Variants in TANK observed in about 807,000 individuals in gnomAD.
The protein encoded by TANK is TRAF family member associated NFKB activator.
Under a neutral mutation model 43.6 loss-of-function variants are expected in TANK, and 15 were observed. The observed-to-expected ratio is 0.34, with a 90% CI of 0.23 to 0.53. The LOEUF is 0.53. Ranked by LOEUF, TANK falls within the 20% of genes least tolerant of loss-of-function variation. TANK has a pLI of 0.94. For missense variants in TANK, 417 were observed against 498.6 expected (o/e 0.84, Z 1.56); for synonymous variants, 162 against 178.2 (o/e 0.91, Z 0.73).
chr2:161,208,082 T>C (rs989572639), intron 4 of TANK: 14 of 905,168 alleles, frequency 1.5e-5, no homozygotes, highest in Non-Finnish European at 1.8e-5. Flanking sequence ...TGGTGGGTGG[T>C]TTGAGGATTT....
At chr2:161,219,341 A>G (rs113310144) in intron 4 of TANK, among the ~76,000 whole-genome samples, 30 of 152,240 alleles carry the variant, frequency 2.0e-4, no homozygotes, top group African/African-American at 7.0e-4. Context: ...TTATTTTTAT[A>G]TTGTTTATTT....
intron 2 of TANK, chr2:161,180,129 G>C (rs1055207620): frequency 1.0e-6 from 1 of 993,374 alleles, no homozygotes; most frequent in African/African-American, 1.7e-5. Context: ...TGTTTTTTAT[G>C]TTGTTATTTG....
chr2:161,194,661 A>G (rs1686063522), intron 2 of TANK, among the ~76,000 whole-genome samples: 1 of 152,324 alleles, frequency 6.6e-6, no homozygotes, highest in Non-Finnish European at 1.5e-5. Context: ...CTCAAGAGCT[A>G]GTCTTGACCC....
At chr2:161,211,806 A>G (rs1686901448) in intron 4 of TANK, 1 of 985,312 alleles carries the variant, frequency 1.0e-6, no homozygotes, top group Non-Finnish European at 1.2e-6. Flanking sequence ...ACTGGAGAAA[A>G]ACGTGTTTGT....
intron 1 of TANK, chr2:161,138,094 C>T (rs975532867): frequency 4.0e-5 from 13 of 321,242 alleles, no homozygotes; most frequent in African/African-American, 3.0e-4. Context: ...TCTCCTTGGA[C>T]CATTTAAACT....
chr2:161,187,130 C>T (rs147826019), intron 2 of TANK, among the ~76,000 whole-genome samples: 1 of 151,966 alleles, frequency 6.6e-6, no homozygotes, highest in African/African-American at 2.4e-5. Context: ...GACTTTAAAT[C>T]AAAAATTGTT....
intron 1 of TANK, among the ~76,000 whole-genome samples, chr2:161,144,216 T>C (rs1337273627): frequency 6.6e-6 from 1 of 152,082 alleles, no homozygotes; most frequent in Admixed American, 6.6e-5. Context: ...TTTTTATTAG[T>C]CTAGGTAGTC....
chr2:161,148,216 C>A (rs938041049), intron 1 of TANK, among the ~76,000 whole-genome samples: 1 of 152,182 alleles, frequency 6.6e-6, no homozygotes, highest in Non-Finnish European at 1.5e-5. Flanking sequence ...TTATTACAGC[C>A]ATCCTAGTGA....
chr2:161,181,112 A>G (rs759316752), intron 2 of TANK, among the ~76,000 whole-genome samples: 4 of 152,126 alleles, frequency 2.6e-5, no homozygotes, highest in Non-Finnish European at 5.9e-5. Flanking sequence ...TCACACTGCT[A>G]TACACTGCTA....
chr2:161,234,289 A>T (rs1215520341), intron 7 of TANK, among the ~76,000 whole-genome samples: 2 of 152,210 alleles, frequency 1.3e-5, no homozygotes, highest in Non-Finnish European at 2.9e-5. Flanking sequence ...AGGATGTGTG[A>T]CTTTAAAAAC....
At chr2:161,185,075 G>A (rs563745759) in intron 2 of TANK, among the ~76,000 whole-genome samples, 6 of 152,122 alleles carry the variant, frequency 3.9e-5, no homozygotes, top group Non-Finnish European at 7.4e-5. Context: ...AATTTGAGAC[G>A]CATAGGAAGA....
At chr2:161,176,253 G>T (rs149502436) in intron 1 of TANK, among the ~76,000 whole-genome samples, 4 of 152,248 alleles carry the variant, frequency 2.6e-5, no homozygotes, top group Admixed American at 1.3e-4. Flanking sequence ...AAAGTTCAGG[G>T]TGTTAATATT....
chr2:161,184,832 G>C (rs1052558780), intron 2 of TANK, among the ~76,000 whole-genome samples: 3 of 152,190 alleles, frequency 2.0e-5, no homozygotes, highest in Non-Finnish European at 4.4e-5. Flanking sequence ...AGGCTTATAG[G>C]TGAAAATGCC....
At chr2:161,139,981 G>T in intron 1 of TANK, 1 of 926,604 alleles carries the variant, frequency 1.1e-6, no homozygotes, top group Non-Finnish European at 1.3e-6. Context: ...TTTGAAATTT[G>T]CTAAGAATTT....
chr2:161,222,985 A>G (rs1687425236), intron 4 of TANK: 1 of 152,092 alleles, frequency 6.6e-6, no homozygotes, highest in African/African-American at 2.4e-5. Context: ...TTTGAAAAGC[A>G]AGAGTGAAGT....
chr2:161,224,255 G>GT (rs1479628763), intron 5 of TANK, among the ~76,000 whole-genome samples: 1 of 151,754 alleles, frequency 6.6e-6, no homozygotes, highest in African/African-American at 2.4e-5. Context: ...TTATATGGAT[G>GT]GCTCCTAATG....
chr2:161,172,087 G>T (rs1684965224), intron 1 of TANK, among the ~76,000 whole-genome samples: 1 of 152,088 alleles, frequency 6.6e-6, no homozygotes, highest in Admixed American at 6.6e-5. Context: ...GCATAGAAAG[G>T]TTAACAAAGC....
chr2:161,137,055 G>A (rs1406628401), exon 1 of TANK: 1 of 985,306 alleles, frequency 1.0e-6, no homozygotes, highest in African/African-American at 1.7e-5. Flanking sequence ...CTTGTAACCT[G>A]GAGAAGAGGT....
At chr2:161,228,328 T>TC (rs1559009494) in intron 6 of TANK, among the ~76,000 whole-genome samples, 1 of 152,096 alleles carries the variant, frequency 6.6e-6, no homozygotes, top group Non-Finnish European at 1.5e-5. Context: ...GGTTGGGAGT[T>TC]CGAGACCACC....
Sources: gnomAD v4.1 joint callset for allele counts (sites outside exome capture counted in the v4.1 genomes callset) on GRCh38, gnomAD v4.1.1 for gene constraint, MANE v1.5 for transcripts, NCBI Gene and HGNC (gene_info 2026-07-23, HGNC 2026-07-21) for gene names.